Variants in DNAH5 observed in about 807,000 individuals in gnomAD.
DNAH5 encodes the protein dynein axonemal heavy chain 5, also known as axonemal beta dynein heavy chain 5.
A neutral mutation model predicts 518.2 loss-of-function variants in DNAH5; 372 were observed. The ratio of observed to expected loss-of-function variants is 0.72; its 90% CI spans 0.66 to 0.78. The LOEUF (loss-of-function observed/expected upper bound fraction) is 0.78, where lower values mean the gene tolerates loss of function less well. Among genes scored for constraint, DNAH5 ranks in the 30% least tolerant of loss-of-function variants. DNAH5 has a pLI of 0.00. For missense variants in DNAH5, 5,523 were observed against 5,687.0 expected (o/e 0.97, Z 0.93); for synonymous variants, 2,039 against 2,025.9 (o/e 1.01, Z -0.17).
chr5:13,875,150 A>G (rs1320854465), intron 22 of DNAH5, among the ~76,000 whole-genome samples: 3 of 152,206 alleles, frequency 2.0e-5, no homozygotes, highest in African/African-American at 7.2e-5. Flanking sequence ...TTTCCTTCAT[A>G]TAAAGTAAAA....
At position 13,691,132 on chromosome 5, in the gene DNAH5, A is replaced by AT. The variant is rs1257833197; in HGVS notation, c.*851dup. On this transcript the variant is annotated 3_prime_UTR_variant, in exon 79 of 79. Transcript: ENST00000265104. ...ACTATTGAATATTTATGATTTTTCC[A>AT]TTTTTTTCTGTTATTAAATGCAATT... 2.0e-5 allele frequency: 3 copies of AT among 152,040 alleles called. No homozygotes were observed. The East Asian group carries it at 5.8e-4, about 29-fold the overall frequency. 9.4% of individuals were successfully genotyped at this position (152,040 alleles called of 1,614,324 possible).
chr5:13,866,225 A>G lies in DNAH5; in HGVS notation c.4111T>C (p.Phe1371Leu). 1.9e-6 allele frequency: 3 copies of G among 1,613,536 alleles called. No individual in the cohort carries two copies. The change falls in exon 26 of 79, where the codon TTT becomes CTT. Residue 1371 changes from phenylalanine to leucine, a missense_variant. Physicochemically the swap from Phe to Leu is conservative, Grantham distance 22. Around this residue, in one of 3 missense-constraint regions of DNAH5, gnomAD observed 5,121 missense variants for 5,223.3 expected, o/e 0.98. Coordinates refer to ENST00000265104, the MANE Select transcript of DNAH5 (RefSeq NM_001369.3). ...ATAGAAACTAAAAAGATTACCTGAAACATGATAAGCCTGTCACTGGCTTCC... is the reference window on the plus strand; with the variant it reads ...ATAGAAACTAAAAAGATTACCTGAAGCATGATAAGCCTGTCACTGGCTTCC... ...PQEASDRLIMFQNQFDNIYRK... is the reference protein window; with the variant it reads ...PQEASDRLIMLQNQFDNIYRK...
At chr5:13,693,982 G>A (rs572971352) in intron 78 of DNAH5, among the ~76,000 whole-genome samples, 35 of 152,228 alleles carry the variant, frequency 2.3e-4, no homozygotes, top group Middle Eastern at 3.4e-3. Context: ...TACGGTTAAC[G>A]CTAACTATAC....
rs1238340169 is a variant in DNAH5 at position 13,752,034 on chromosome 5, A to G, written c.11028+100T>C. 4 of 1,301,970 alleles carry G rather than the reference A, an allele frequency of 3.1e-6. No homozygotes were observed. In the Admixed American group the frequency reaches 6.8e-5, roughly 22 times the overall value. 80.7% of individuals were successfully genotyped at this position (1,301,970 alleles called of 1,614,324 possible). A position where few individuals can be genotyped will look rare whatever the true frequency, so the allele number is the denominator to read the frequency against. On this transcript the variant is annotated intron_variant, in intron 64 of 78. Coordinates refer to ENST00000265104, the MANE Select transcript of DNAH5 (RefSeq NM_001369.3). ...AAAAACAAACCTTTCCCAAGGACTC[A>G]AATTTAAGTTGTTGCCTATTGAGAG...
chr5:13,753,309 C>G lies in DNAH5; in HGVS notation c.10796G>C (p.Arg3599Pro). ...CTGTGGATCAATTAACAAAGGGTAA[C>G]GAGATGCCTTCGTGACAATAATTCC... ...QNGIIVTKAS[R>P]YPLLIDPQTQ... Residue 3599 changes from arginine (R) to proline (P), a missense_variant, in exon 63 of 79, where the codon CGT (arginine) becomes CCT (proline). Physicochemically the swap from Arg to Pro is moderately radical, Grantham distance 103. Transcript: ENST00000265104. The G allele has an allele frequency of 6.2e-7, 1 of 1,613,912 alleles. No individual in the cohort carries two copies. The highest frequency in any genetic ancestry group is 8.5e-7 in the Non-Finnish European group (1 of 1,179,866).
At chr5:13,922,404 ATGT>A (rs1777410366) in intron 4 of DNAH5, 76 bp from the exon 5 acceptor site, 8 of 1,377,828 alleles carry the variant, frequency 5.8e-6, no homozygotes, top group South Asian at 1.2e-5. Flanking sequence ...CATTTCTTAA[ATGT>A]TGTCACTTTA....
Position 13,997,755 on chromosome 5 carries a change from C to A in DNAH5, c.12+13893G>T, listed in dbSNP as rs534391752. On this transcript the variant is annotated intron_variant, in intron 1 of 78. Transcript: ENST00000681290. ...TTACAGCAGCACCCCACTTCTGGTA[C>A]CAATTTCTGTCTTAGTTCATTTGGG... Among the ~76,000 whole-genome samples, 18 of 152,280 alleles carry A rather than the reference C, an allele frequency of 1.2e-4. No individual in the cohort carries two copies. The East Asian group carries it at 3.5e-3, about 29-fold the overall frequency.
At chr5:13,764,751 G>A (rs918946362) in intron 59 of DNAH5, among the ~76,000 whole-genome samples, 1 of 152,154 alleles carries the variant, frequency 6.6e-6, no homozygotes, top group Non-Finnish European at 1.5e-5. Context: ...ATTCACAGCA[G>A]CTTGATTTAT....
At chr5:13,995,246 C>T (rs1441576262) in intron 1 of DNAH5, among the ~76,000 whole-genome samples, 5 of 152,208 alleles carry the variant, frequency 3.3e-5, no homozygotes, top group Non-Finnish European at 1.5e-5. Context: ...ACATACAGTG[C>T]ACCACATATA....
At chr5:13,755,768 GA>G (rs540827124) in intron 61 of DNAH5, among the ~76,000 whole-genome samples, 213 of 148,480 alleles carry the variant, frequency 1.4e-3, no homozygotes, top group South Asian at 2.4e-3. Context: ...TTGTTTATTA[GA>G]AAAAAAAAAC....
intron 27 of DNAH5, 106 bp from the exon 28 acceptor site, chr5:13,864,743 T>C (rs1768975195): frequency 8.2e-7 from 1 of 1,220,162 alleles, no homozygotes; most frequent in East Asian, 2.3e-5. Context: ...CTTTGAATAC[T>C]TATCCTATTT....
intron 1 of DNAH5, among the ~76,000 whole-genome samples, chr5:13,957,979 T>G (rs933072957): frequency 6.6e-6 from 1 of 151,834 alleles, no homozygotes; most frequent in Non-Finnish European, 1.5e-5. Context: ...TGTATATATG[T>G]ATATATACCT....
chr5:13,954,132 T>A (rs1411501852), intron 1 of DNAH5, among the ~76,000 whole-genome samples: 1 of 152,208 alleles, frequency 6.6e-6, no homozygotes, highest in Non-Finnish European at 1.5e-5. Flanking sequence ...AGAGGAAATG[T>A]TACATATTTT....
chr5:13,824,562 T>A (rs1041516387), intron 38 of DNAH5, among the ~76,000 whole-genome samples: 1 of 152,184 alleles, frequency 6.6e-6, no homozygotes, highest in Non-Finnish European at 1.5e-5. Flanking sequence ...AGCCCTTAGA[T>A]CAGAACTAGC....
At chr5:13,699,262 G>C (rs931362617) in intron 78 of DNAH5, among the ~76,000 whole-genome samples, 4 of 152,168 alleles carry the variant, frequency 2.6e-5, no homozygotes, top group Admixed American at 2.6e-4. Flanking sequence ...TTTGTAACAT[G>C]TATCAATTTG....
chr5:13,753,708 T>G (rs1252742033), intron 62 of DNAH5, among the ~76,000 whole-genome samples, 159 bp from the exon 63 acceptor site: 1 of 152,180 alleles, frequency 6.6e-6, no homozygotes, highest in Admixed American at 6.5e-5. Context: ...GAATAAGCAG[T>G]AGTCTGGTTT....
intron 46 of DNAH5, among the ~76,000 whole-genome samples, chr5:13,808,212 A>G (rs969262402): frequency 1.4e-5 from 2 of 142,636 alleles, no homozygotes; most frequent in Non-Finnish European, 3.0e-5. Flanking sequence ...CCTGGGTGAC[A>G]GAGACTCCAT....
intron 1 of DNAH5, among the ~76,000 whole-genome samples, chr5:13,984,317 T>C (rs1782882572): frequency 6.6e-6 from 1 of 152,246 alleles, no homozygotes; most frequent in South Asian, 2.1e-4. Context: ...ACTCATAATT[T>C]GGCTCTCTGT....
At position 13,708,156 on chromosome 5, in the gene DNAH5, C is replaced by A; in HGVS notation, c.13305G>T (p.Met4435Ile). The change falls in exon 76 of 79, where the codon ATG becomes ATT. Residue 4435 changes from methionine to isoleucine, a missense_variant. Around this residue, in one of 3 missense-constraint regions of DNAH5, gnomAD observed 387 missense variants for 430.0 expected, o/e 0.90. Coordinates refer to ENST00000265104, the MANE Select transcript of DNAH5 (RefSeq NM_001369.3). The stretch of plus-strand genomic sequence containing the variant: ...ACCAAGCAGGGATTCTAGCATCAAA[C>A]ATGCAATCCAATGCATCTCGCAGAT... ...SENLRDALDCMFDARIPAWWK... is the reference protein window; with the variant it reads ...SENLRDALDCIFDARIPAWWK... 1 of 1,614,158 alleles carries A rather than the reference C, an allele frequency of 6.2e-7. No individual in the cohort carries two copies. Among genetic ancestry groups the A allele is most frequent in the Non-Finnish European group, 8.5e-7 (1 of 1,180,014 alleles).
Sources: allele counts gnomAD v4.1 joint callset (sites outside exome capture counted in the v4.1 genomes callset), GRCh38; gene constraint gnomAD v4.1.1; regional missense constraint gnomAD v4.1.1; transcripts MANE v1.5; gene names NCBI Gene and HGNC (gene_info 2026-07-23, HGNC 2026-07-21).